ADAMTS9: variants seen among roughly 807,000 people sequenced by gnomAD.
ADAMTS9 encodes A disintegrin and metalloproteinase with thrombospondin motifs 9.
ADAMTS9 carries 107 observed loss-of-function variants against 257.1 expected under a neutral mutation model. That is an observed-to-expected ratio of 0.42 (90% CI 0.36 to 0.49). The LOEUF (loss-of-function observed/expected upper bound fraction) is 0.49. ADAMTS9 is among the 20% of genes least tolerant of loss of function. The pLI, the probability that ADAMTS9 is intolerant of heterozygous loss-of-function variation, is 0.03. For synonymous variants in ADAMTS9, 982 were observed against 880.9 expected, an observed-to-expected ratio of 1.11 and a Z score of -2.03; for missense variants, 2,353 against 2,469.1, an observed-to-expected ratio of 0.95 and a Z score of 1.00.
At chr3:64,621,044 T>C (rs1397971712) in intron 19 of ADAMTS9, 70 bp downstream of exon 19, 2 of 1,532,038 alleles carry the variant, frequency 1.3e-6, no homozygotes, top group Non-Finnish European at 1.8e-6. Context: ...TCCTTTTGCT[T>C]CTCCTGCTGG....
At chr3:64,553,585 T>C (rs2083295889) in intron 30 of ADAMTS9, among the ~76,000 whole-genome samples, 1 of 152,194 alleles carries the variant, frequency 6.6e-6, no homozygotes, top group Non-Finnish European at 1.5e-5. Context: ...CTGGGTCATA[T>C]AGTATGCCCC....
intron 30 of ADAMTS9, among the ~76,000 whole-genome samples, chr3:64,553,305 A>G (rs1475111886): frequency 1.3e-5 from 2 of 152,132 alleles, no homozygotes; most frequent in Non-Finnish European, 2.9e-5. Flanking sequence ...GAATCATCCA[A>G]TATGTGGCCT....
At chr3:64,556,899 G>T (rs1441142728) in intron 30 of ADAMTS9, among the ~76,000 whole-genome samples, 3 of 151,932 alleles carry the variant, frequency 2.0e-5, no homozygotes, top group East Asian at 3.9e-4. Flanking sequence ...TCATTTAACA[G>T]GTATCTTTGA....
chr3:64,562,920 C>A (rs1385107156), intron 29 of ADAMTS9: 1 of 152,120 alleles, frequency 6.6e-6, no homozygotes, highest in Non-Finnish European at 1.5e-5. Flanking sequence ...AAACAGGTAA[C>A]GATATTTAGA....
chr3:64,595,129 G>T (rs1004545823), intron 27 of ADAMTS9, among the ~76,000 whole-genome samples: 2 of 152,054 alleles, frequency 1.3e-5, no homozygotes, highest in Non-Finnish European at 2.9e-5. Context: ...ACCAAACAAA[G>T]GAGACAATGA....
At chr3:64,520,820 G>C (rs1383297658) in intron 39 of ADAMTS9, among the ~76,000 whole-genome samples, 3 of 152,080 alleles carry the variant, frequency 2.0e-5, no homozygotes, top group Non-Finnish European at 1.5e-5. Context: ...AGACTTAAAT[G>C]TAAGACTTCA....
At position 64,545,483 on chromosome 3, in the gene ADAMTS9, T is replaced by C. The variant is rs978798847; in HGVS notation, c.5064+1275A>G. Among the ~76,000 whole-genome samples the C allele has an allele frequency of 1.4e-4, 21 of 152,222 alleles. 1 individual carries two copies. Among genetic ancestry groups the C allele is most frequent in the Admixed American group, 7.2e-4 (11 of 15,290 alleles). The stretch of plus-strand genomic sequence containing the variant: ...GGGACATGGATGAAACTGGGAACCA[T>C]CATTCTCAGCAAACTATCACAAGGA... On this transcript the variant is annotated intron_variant, in intron 32 of 39. Coordinates refer to ENST00000498707, the MANE Select transcript of ADAMTS9 (RefSeq NM_182920.2).
chr3:64,668,648 AG>A (rs1213942936), intron 3 of ADAMTS9, among the ~76,000 whole-genome samples: 19 of 152,186 alleles, frequency 1.2e-4, no homozygotes, highest in Admixed American at 9.8e-4. Flanking sequence ...CCTGGTGGGT[AG>A]GAAGTCCTCT....
intron 39 of ADAMTS9, among the ~76,000 whole-genome samples, 163 bp from the exon 40 acceptor site, chr3:64,517,284 G>A (rs1049528567): frequency 1.3e-4 from 19 of 151,778 alleles, no homozygotes; most frequent in Admixed American, 9.9e-4. Context: ...CTCTGTCACC[G>A]AGGCTGGAGT....
intron 10 of ADAMTS9, among the ~76,000 whole-genome samples, chr3:64,648,847 G>A (rs1191342530): frequency 6.6e-6 from 1 of 152,054 alleles, no homozygotes; most frequent in Non-Finnish European, 1.5e-5. Flanking sequence ...GCATTTCAAT[G>A]ACTCCTAATT....
intron 19 of ADAMTS9, among the ~76,000 whole-genome samples, chr3:64,620,873 T>G (rs1195518857): frequency 6.6e-6 from 1 of 152,250 alleles, no homozygotes; most frequent in Non-Finnish European, 1.5e-5. Context: ...CAACTGAATT[T>G]TTTTTGGCAA....
intron 32 of ADAMTS9, among the ~76,000 whole-genome samples, chr3:64,545,047 AC>A (rs2083178623): frequency 6.6e-6 from 1 of 152,132 alleles, no homozygotes; most frequent in African/African-American, 2.4e-5. Context: ...GCAAATCAAA[AC>A]CACAATGAGA....
rs144183422 is a variant in ADAMTS9 at position 64,571,310 on chromosome 3, T to C, written c.4357-2775A>G. ...AGATAGGTACTATTAGTGGAGACAA[T>C]TGGTGTTTTCAGAATGGCATAACCA... On this transcript the variant is annotated intron_variant, in intron 28 of 39. Coordinates refer to ENST00000498707, the MANE Select transcript of ADAMTS9 (RefSeq NM_182920.2). Among the ~76,000 whole-genome samples, 400 of 152,254 alleles carry C rather than the reference T, an allele frequency of 2.6e-3. 4 individuals are homozygous for C. Among genetic ancestry groups the C allele is most frequent in the South Asian group, 8.5e-3 (41 of 4,824 alleles).
intron 32 of ADAMTS9, among the ~76,000 whole-genome samples, chr3:64,545,163 C>A (rs898789408): frequency 2.6e-5 from 4 of 152,188 alleles, no homozygotes; most frequent in East Asian, 1.9e-4. Flanking sequence ...GTTGGTGGGA[C>A]TGTAAACTAG....
chr3:64,559,489 T>C (rs1336386084), intron 30 of ADAMTS9, among the ~76,000 whole-genome samples: 1 of 152,214 alleles, frequency 6.6e-6, no homozygotes, highest in Non-Finnish European at 1.5e-5. Flanking sequence ...AGGGTGACTA[T>C]TAGACTCTGC....
rs1164628512 is a variant in ADAMTS9 at position 64,616,053 on chromosome 3, A to G, written c.2931T>C (p.Asp977=). ...RLDGKTEKVD[D]GFCSSHPKPS... is the part of the protein sequence containing the mutation. The stretch of plus-strand genomic sequence containing the variant: ...GTTTGGGATGGCTGCTGCAAAAACC[A>G]TCATCAACCTTCTCAGTCTTCCCAT... Residue 977 remains aspartate (D), a synonymous_variant, in exon 20 of 40, where the codon GAT becomes GAC. Coordinates refer to ENST00000498707, the MANE Select transcript of ADAMTS9 (RefSeq NM_182920.2). The G allele has an allele frequency of 3.7e-6, 6 of 1,614,026 alleles. No individual in the cohort carries two copies. In the African/African-American group the frequency reaches 4.0e-5, roughly 11 times the overall value.
chr3:64,522,267 G>A lies in ADAMTS9; in HGVS notation c.5719-7C>T. ...CTACGACTCGGGTACCATCCTGCAA[G>A]GAGATGCATCATGTTAGCCTGCCTG... On this transcript the variant is annotated splice_region_variant and splice_polypyrimidine_tract_variant and intron_variant, in intron 38 of 39. Transcript: ENST00000498707. 1.2e-6 allele frequency: 2 copies of A among 1,613,630 alleles called. No individual in the cohort carries two copies. The highest frequency in any genetic ancestry group is 8.5e-7 in the Non-Finnish European group (1 of 1,179,598).
At chr3:64,519,862 C>T (rs565810100) in intron 39 of ADAMTS9, among the ~76,000 whole-genome samples, 1 of 152,250 alleles carries the variant, frequency 6.6e-6, no homozygotes, top group African/African-American at 2.4e-5. Context: ...AAGTTGGAAG[C>T]ATTCCTCCTA....
intron 3 of ADAMTS9, among the ~76,000 whole-genome samples, chr3:64,667,846 T>A (rs376265305): frequency 2.4e-4 from 36 of 152,332 alleles, no homozygotes; most frequent in Middle Eastern, 3.4e-3. Flanking sequence ...TGGTAGGAAC[T>A]ATTACCTTCA....
Sources: gnomAD v4.1 joint callset for allele counts (sites outside exome capture counted in the v4.1 genomes callset) on GRCh38, gnomAD v4.1.1 for gene constraint, MANE v1.5 for transcripts, NCBI Gene and HGNC (gene_info 2026-07-23, HGNC 2026-07-21) for gene names.